TMEM150C: variants seen among roughly 807,000 people sequenced by gnomAD.
The protein encoded by TMEM150C is transmembrane protein 150C.
In TMEM150C, 10 loss-of-function variants were observed where a neutral mutation model predicts 29.9. That is an observed-to-expected ratio of 0.33 (90% CI 0.21 to 0.57). The LOEUF (loss-of-function observed/expected upper bound fraction) is 0.57, where lower values mean the gene tolerates loss of function less well. Ranked by LOEUF, TMEM150C falls within the 20% of genes least tolerant of loss-of-function variation. TMEM150C has a pLI of 0.88. For synonymous variants in TMEM150C, 101 were observed against 112.5 expected (o/e 0.90, Z 0.64); for missense variants, 251 against 303.6 (o/e 0.83, Z 1.29).
intron 1 of TMEM150C, among the ~76,000 whole-genome samples, chr4:82,510,916 G>A (rs1471811031): frequency 6.6e-6 from 1 of 152,112 alleles, no homozygotes; most frequent in Non-Finnish European, 1.5e-5. Context: ...AGTGTGAAGG[G>A]CTTTTATTAT....
intron 1 of TMEM150C, among the ~76,000 whole-genome samples, chr4:82,508,686 G>A (rs1226625814): frequency 2.0e-5 from 3 of 152,020 alleles, no homozygotes; most frequent in East Asian, 3.9e-4. Flanking sequence ...GGCTAGTCTC[G>A]AATTCCTGAC....
intron 6 of TMEM150C, among the ~76,000 whole-genome samples, chr4:82,493,143 T>C (rs558524260): frequency 6.6e-6 from 1 of 151,796 alleles, no homozygotes; most frequent in South Asian, 2.1e-4. Flanking sequence ...TTGACATTGT[T>C]GTTCATAAGG....
intron 1 of TMEM150C, among the ~76,000 whole-genome samples, chr4:82,513,798 T>A (rs1381601630): frequency 1.7e-4 from 26 of 152,192 alleles, no homozygotes. Flanking sequence ...GAGGGCTCCG[T>A]ATAGCTGCCA....
At chr4:82,555,597 G>A (rs781103293) in intron 1 of TMEM150C, among the ~76,000 whole-genome samples, 2 of 152,124 alleles carry the variant, frequency 1.3e-5, no homozygotes, top group Non-Finnish European at 1.5e-5. Context: ...GCTTATTTCC[G>A]CACTTGTACA....
intron 1 of TMEM150C, among the ~76,000 whole-genome samples, chr4:82,554,238 T>C (rs1007375360): frequency 6.6e-6 from 1 of 152,226 alleles, no homozygotes; most frequent in Non-Finnish European, 1.5e-5. Context: ...AAATATACTT[T>C]AAGTTTCAGT....
At chr4:82,494,126 C>T (rs777181524) in intron 6 of TMEM150C, among the ~76,000 whole-genome samples, 5 of 152,138 alleles carry the variant, frequency 3.3e-5, no homozygotes, top group African/African-American at 9.7e-5. Context: ...ATGCCATTTG[C>T]GATGTCATTC....
At chr4:82,530,818 A>G (rs1388173020) in intron 1 of TMEM150C, among the ~76,000 whole-genome samples, 1 of 152,210 alleles carries the variant, frequency 6.6e-6, no homozygotes, top group Non-Finnish European at 1.5e-5. Flanking sequence ...GAGAGGCCTC[A>G]GGAAACTTAC....
rs1723069703 is a variant in TMEM150C at position 82,483,782 on chromosome 4, G to GTTTTTCTT, written c.*1721_*1728dup. ...CAGACTTTGGGTTGAATTAAAAAAC[G>GTTTTTCTT]TTTTTCTTTTTTTCTTTTTTTTTTG... On this transcript the variant is annotated 3_prime_UTR_variant, in exon 8 of 8. Transcript: ENST00000449862. 6.8e-6 allele frequency: 1 copy of GTTTTTCTT among 146,150 alleles called. No individual in the cohort carries two copies. The highest frequency in any genetic ancestry group is 1.5e-5 in the Non-Finnish European group (1 of 67,394). The allele number at this position is 146,150 out of a possible 1,614,324, so 9.1% of individuals were successfully genotyped here. A position where few individuals can be genotyped will look rare whatever the true frequency, so the allele number is the denominator to read the frequency against.
chr4:82,501,189 G>GT (rs1475751892), intron 5 of TMEM150C, among the ~76,000 whole-genome samples: 3 of 152,230 alleles, frequency 2.0e-5, no homozygotes, highest in Non-Finnish European at 4.4e-5. Context: ...GAAGAATGGT[G>GT]TCAAGAGTAG....
intron 6 of TMEM150C, chr4:82,491,105 C>T: frequency 1.4e-6 from 1 of 703,042 alleles, no homozygotes; most frequent in Non-Finnish European, 2.6e-6. Context: ...TTTTACGACA[C>T]AGGGCAGGCA....
intron 1 of TMEM150C, among the ~76,000 whole-genome samples, chr4:82,538,630 CAT>C (rs1207524116): frequency 6.6e-5 from 10 of 152,094 alleles, no homozygotes; most frequent in Non-Finnish European, 1.3e-4. Context: ...TAGAAAATAG[CAT>C]ATGTCAACAA....
At chr4:82,542,980 T>C (rs1725241781) in intron 1 of TMEM150C, among the ~76,000 whole-genome samples, 1 of 152,254 alleles carries the variant, frequency 6.6e-6, no homozygotes, top group Admixed American at 6.5e-5. Context: ...TTTCATGCAC[T>C]GTATTAATGA....
chr4:82,515,305 A>C (rs553510275), intron 1 of TMEM150C, among the ~76,000 whole-genome samples: 1 of 152,320 alleles, frequency 6.6e-6, no homozygotes, highest in Admixed American at 6.5e-5. Context: ...TGCGCACATA[A>C]GTTTTCCTTA....
chr4:82,504,566 G>T lies in TMEM150C; in HGVS notation c.80+12C>A, dbSNP rs56384462. 6.2e-7 allele frequency: 1 copy of T among 1,604,594 alleles called. No individual in the cohort carries two copies. Among genetic ancestry groups the T allele is most frequent in the Non-Finnish European group, 8.5e-7 (1 of 1,172,334 alleles). On this transcript the variant is annotated intron_variant, in intron 2 of 7. Transcript: ENST00000449862. ...CCTGAATCCTTAAATAATTAAATGA[G>T]CAAATACTCACACTATCCACAATCC...
At chr4:82,554,201 A>G in intron 1 of TMEM150C, among the ~76,000 whole-genome samples, 2 of 152,238 alleles carry the variant, frequency 1.3e-5, no homozygotes, top group East Asian at 3.8e-4. Flanking sequence ...ACATGTAGGT[A>G]TATTTTAGTT....
chr4:82,518,330 A>G (rs1178170383), intron 1 of TMEM150C, among the ~76,000 whole-genome samples: 1 of 151,250 alleles, frequency 6.6e-6, no homozygotes, highest in East Asian at 1.9e-4. Flanking sequence ...AAAAAAAAAG[A>G]AAGAAAGTAG....
chr4:82,485,241 A>C lies in TMEM150C; in HGVS notation c.*270T>G. The C allele has an allele frequency of 2.6e-6, 1 of 380,054 alleles. No homozygotes were observed. The highest frequency in any genetic ancestry group is 4.9e-6 in the Non-Finnish European group (1 of 204,222). 23.5% of individuals were successfully genotyped at this position (380,054 alleles called of 1,614,324 possible). On this transcript the variant is annotated 3_prime_UTR_variant, in exon 8 of 8. Coordinates refer to ENST00000449862, the MANE Select transcript of TMEM150C (RefSeq NM_001080506.3). ...ATGGGAAGAGGAGGGAGTGCTGGGA[A>C]GGGGACGGATAAGAAGTGATCATGC...
At chr4:82,531,853 G>C (rs1052249640) in intron 1 of TMEM150C, among the ~76,000 whole-genome samples, 1 of 151,978 alleles carries the variant, frequency 6.6e-6, no homozygotes, top group Non-Finnish European at 1.5e-5. Flanking sequence ...AAGACAAAGA[G>C]GTGGTCAACA....
At position 82,560,967 on chromosome 4, in the gene TMEM150C, T is replaced by G. The variant is rs566710559; in HGVS notation, c.-11+939A>C. Among the ~76,000 whole-genome samples, 4 of 152,350 alleles carry G rather than the reference T, an allele frequency of 2.6e-5. No individual in the cohort carries two copies. In the East Asian group the frequency reaches 5.8e-4, roughly 22 times the overall value. On this transcript the variant is annotated intron_variant, in intron 1 of 7. Coordinates refer to ENST00000449862, the MANE Select transcript of TMEM150C (RefSeq NM_001080506.3). ...AGATGGACTTCCATTCTACCTGAGC[T>G]ATGTTCCCACATGCGGTCACAATCC...
Sources: allele counts gnomAD v4.1 joint callset (sites outside exome capture counted in the v4.1 genomes callset), GRCh38; gene constraint gnomAD v4.1.1; transcripts MANE v1.5; gene names NCBI Gene and HGNC (gene_info 2026-07-23, HGNC 2026-07-21).